Variants in NEK1 observed in about 807,000 individuals in gnomAD.
NEK1 encodes serine/threonine-protein kinase Nek1.
NEK1 carries 137 observed loss-of-function variants against 182.1 expected under a neutral mutation model. The ratio of observed to expected loss-of-function variants is 0.75; its 90% CI spans 0.65 to 0.87. NEK1 has a LOEUF of 0.87. Among genes scored for constraint, NEK1 ranks in the 40% least tolerant of loss-of-function variants. NEK1 has a pLI of 0.00. For synonymous variants in NEK1, 513 were observed against 492.2 expected, an observed-to-expected ratio of 1.04 and a Z score of -0.56; for missense variants, 1,391 against 1,494.4, an observed-to-expected ratio of 0.93 and a Z score of 1.14.
At chr4:169,485,384 C>T (rs574194907) in intron 23 of NEK1, among the ~76,000 whole-genome samples, 1 of 152,278 alleles carries the variant, frequency 6.6e-6, no homozygotes, top group African/African-American at 2.4e-5. Context: ...AAGCTAATGT[C>T]ATACACTTAA....
intron 2 of NEK1, among the ~76,000 whole-genome samples, chr4:169,604,941 T>C (rs1214132983): frequency 6.6e-6 from 1 of 152,208 alleles, no homozygotes; most frequent in African/African-American, 2.4e-5. Context: ...TTGTGTTAAC[T>C]GGCACAATAT....
chr4:169,565,170 G>A (rs974735637), intron 12 of NEK1, among the ~76,000 whole-genome samples: 54 of 152,102 alleles, frequency 3.6e-4, no homozygotes, highest in African/African-American at 1.2e-3. Flanking sequence ...AAACAATACT[G>A]AAATATTTAA....
Position 169,547,071 on chromosome 4 carries a change from A to G in NEK1, c.1562+8649T>C, listed in dbSNP as rs55776266. On this transcript the variant is annotated intron_variant, in intron 18 of 35. Coordinates refer to ENST00000507142, the MANE Select transcript of NEK1 (RefSeq NM_001199397.3). ...TTGATGCAGTTTCTTCATAGTATCTATGGTGCTTACATTCTGATATGCTTT... is the reference window on the plus strand; with the variant it reads ...TTGATGCAGTTTCTTCATAGTATCTGTGGTGCTTACATTCTGATATGCTTT... Among the ~76,000 whole-genome samples the G allele has an allele frequency of 3.9e-3, 601 of 152,272 alleles. 5 individuals carry two copies. Among genetic ancestry groups the G allele is most frequent in the South Asian group, 0.03 (143 of 4,822 alleles).
At chr4:169,398,239 TACA>T (rs1488618906) in intron 35 of NEK1, among the ~76,000 whole-genome samples, 6 of 151,714 alleles carry the variant, frequency 4.0e-5, no homozygotes, top group Non-Finnish European at 8.8e-5. Flanking sequence ...TTTAGAAAAA[TACA>T]ACATGTTTTA....
intron 12 of NEK1, among the ~76,000 whole-genome samples, chr4:169,571,564 A>C (rs997496489): frequency 6.6e-6 from 1 of 152,234 alleles, no homozygotes; most frequent in Non-Finnish European, 1.5e-5. Flanking sequence ...ACCTCAAAGA[A>C]AAGACAGCAG....
rs770322782 is a variant in NEK1, at chr4:169,541,543, T to A, written c.1563-3632A>T. ...ATAGGTGATTATGAAGAAAAGAGAATCTGAAAGAGTCTTAGATGCCTACAG... is the reference window on the plus strand; with the variant it reads ...ATAGGTGATTATGAAGAAAAGAGAAACTGAAAGAGTCTTAGATGCCTACAG... On this transcript the variant is annotated intron_variant, in intron 18 of 35. Coordinates refer to ENST00000507142, the MANE Select transcript of NEK1 (RefSeq NM_001199397.3). 1.2e-3 allele frequency among the ~76,000 whole-genome samples: 184 copies of A among 152,144 alleles called. 4 individuals are homozygous for A. The highest frequency in any genetic ancestry group is 1.3e-3 in the Non-Finnish European group (86 of 67,976).
chr4:169,431,344 T>G (rs1055726436), intron 29 of NEK1, among the ~76,000 whole-genome samples: 4 of 152,078 alleles, frequency 2.6e-5, no homozygotes, highest in Admixed American at 2.6e-4. Context: ...ACTTGAAATA[T>G]AAAATGAAAT....
intron 30 of NEK1, among the ~76,000 whole-genome samples, chr4:169,425,163 T>C (rs575655197): frequency 6.8e-6 from 1 of 146,968 alleles, no homozygotes; most frequent in African/African-American, 2.6e-5. Context: ...AGTGAGACTC[T>C]CTCTCCACAA....
At chr4:169,581,039 TAAAAAAAAAAAAAAA>T (rs34236215) in intron 10 of NEK1, 137 bp from the exon 11 acceptor site, 2 of 130,978 alleles carry the variant, frequency 1.5e-5, no homozygotes, top group African/African-American at 3.3e-5. Flanking sequence ...ACCAAGTTGT[TAAAAAAAAAAAAAAA>T]AAAAAAAAAG....
At chr4:169,556,226 C>G in intron 16 of NEK1, 131 bp from the exon 17 acceptor site, 1 of 805,674 alleles carries the variant, frequency 1.2e-6, no homozygotes, top group South Asian at 2.7e-5. Context: ...AACATACTAA[C>G]AAACATAAAG....
intron 31 of NEK1, among the ~76,000 whole-genome samples, chr4:169,407,978 G>A (rs1032530223): frequency 9.2e-5 from 14 of 152,182 alleles, no homozygotes; most frequent in Non-Finnish European, 1.6e-4. Flanking sequence ...TGATGGTACT[G>A]GAAGTATTTC....
At chr4:169,511,236 C>T (rs1021769022) in intron 19 of NEK1, among the ~76,000 whole-genome samples, 4 of 152,102 alleles carry the variant, frequency 2.6e-5, no homozygotes, top group African/African-American at 9.7e-5. Flanking sequence ...GTTTCCTCCC[C>T]TCTTCAAGAA....
At chr4:169,557,823 C>G (rs1762370590) in intron 16 of NEK1, among the ~76,000 whole-genome samples, 1 of 151,972 alleles carries the variant, frequency 6.6e-6, no homozygotes, top group Admixed American at 6.6e-5. Flanking sequence ...CCCAGCTACT[C>G]AGGAGGCTGA....
intron 23 of NEK1, among the ~76,000 whole-genome samples, chr4:169,499,617 A>G (rs1334255601): frequency 6.6e-6 from 1 of 152,090 alleles, no homozygotes; most frequent in Non-Finnish European, 1.5e-5. Context: ...TTTTCCCCCC[A>G]ACAGTCAGGA....
intron 26 of NEK1, among the ~76,000 whole-genome samples, chr4:169,475,580 C>G (rs1746793437): frequency 6.6e-6 from 1 of 152,012 alleles, no homozygotes; most frequent in Non-Finnish European, 1.5e-5. Context: ...TAAAAACAAC[C>G]AAGCCTGCAA....
In NEK1 at chr4:169,545,512, T is replaced by C. The variant is rs529865084; in HGVS notation, c.1563-7601A>G. 7.7e-3 allele frequency among the ~76,000 whole-genome samples: 1,151 copies of C among 149,782 alleles called. 15 individuals carry two copies. Among genetic ancestry groups the C allele is most frequent in the African/African-American group, 0.026 (1,067 of 40,280 alleles). Reference sequence around the variant, plus strand: ...TGTGAATAATGCCGCAATAAACATATGTGTGCATGTGTCTTTATAGCAGCA... The same window carrying C: ...TGTGAATAATGCCGCAATAAACATACGTGTGCATGTGTCTTTATAGCAGCA... On this transcript the variant is annotated intron_variant, in intron 18 of 35. Transcript: ENST00000507142.
rs1212201247 is a variant in NEK1 at position 169,405,586 on chromosome 4, G to A, written c.3374+1010C>T. Among the ~76,000 whole-genome samples the A allele has an allele frequency of 2.6e-5, 4 of 152,136 alleles. No homozygotes were observed. The East Asian group carries it at 7.7e-4, about 29-fold the overall frequency. ...GAAGTGGAAAGATTGCTTGAGTCCA[G>A]GAGTTGGAGGCTGCAGTGAGCTATC... On this transcript the variant is annotated intron_variant, in intron 32 of 35. Coordinates refer to ENST00000507142, the MANE Select transcript of NEK1 (RefSeq NM_001199397.3).
chr4:169,603,706 ATTT>A (rs398064265), intron 2 of NEK1, among the ~76,000 whole-genome samples: 2 of 129,698 alleles, frequency 1.5e-5, no homozygotes, highest in Admixed American at 7.7e-5. Context: ...TTTATTGAAC[ATTT>A]TTTTTTTTTT....
At chr4:169,581,039 T>TAAAAA (rs34236215) in intron 10 of NEK1, 137 bp from the exon 11 acceptor site, 78 of 130,898 alleles carry the variant, frequency 6.0e-4, no homozygotes, top group African/African-American at 1.1e-3. Flanking sequence ...ACCAAGTTGT[T>TAAAAA]AAAAAAAAAA....
Sources: gnomAD v4.1 joint callset for allele counts (sites outside exome capture counted in the v4.1 genomes callset) on GRCh38, gnomAD v4.1.1 for gene constraint, MANE v1.5 for transcripts, NCBI Gene and HGNC (gene_info 2026-07-23, HGNC 2026-07-21) for gene names.